Variants in CLDN14 observed in about 807,000 individuals in gnomAD.
CLDN14 encodes claudin-14.
A neutral mutation model predicts 2.1 loss-of-function variants in CLDN14; 2 were observed. The ratio of observed to expected loss-of-function variants is 0.96; its 90% CI spans 0.39 to 3.01. The LOEUF (loss-of-function observed/expected upper bound fraction) is 3.01. Ranked by LOEUF, CLDN14 falls within the 30% of genes most tolerant of loss-of-function variation. CLDN14 has a pLI of 0.09. For missense variants in CLDN14, 298 were observed against 328.0 expected (o/e 0.91, Z 0.71); for synonymous variants, 136 against 154.4 (o/e 0.88, Z 0.88).
chr21:36,525,060 C>T (rs965891515), intron 1 of CLDN14, among the ~76,000 whole-genome samples: 1 of 152,138 alleles, frequency 6.6e-6, no homozygotes, highest in Non-Finnish European at 1.5e-5. Flanking sequence ...TGGAATGTGC[C>T]AGTCAGGGCT....
chr21:36,504,381 T>G (rs990030215), intron 2 of CLDN14, among the ~76,000 whole-genome samples: 19 of 152,172 alleles, frequency 1.2e-4, no homozygotes, highest in Admixed American at 7.2e-4. Flanking sequence ...TCTCTTTTTC[T>G]GCTTAGTCTA....
chr21:36,467,473 G>C (rs1431323854), intron 1 of CLDN14, among the ~76,000 whole-genome samples: 1 of 152,090 alleles, frequency 6.6e-6, no homozygotes, highest in Non-Finnish European at 1.5e-5. Context: ...AGTTCTTCAG[G>C]GTGTGTGCTG....
chr21:36,519,680 G>T (rs529322865), intron 1 of CLDN14, among the ~76,000 whole-genome samples: 1 of 151,944 alleles, frequency 6.6e-6, no homozygotes, highest in Admixed American at 6.6e-5. Flanking sequence ...ACTGCACTCC[G>T]GCCTGGGCAA....
At chr21:36,531,796 G>A (rs2835386) in intron 1 of CLDN14, among the ~76,000 whole-genome samples, 52,561 of 150,694 alleles carry the variant, frequency 0.35, 10,912 homozygotes, top group African/African-American at 0.59. Flanking sequence ...TCACTATAAC[G>A]TAGGGCACTT....
intron 1 of CLDN14, among the ~76,000 whole-genome samples, chr21:36,464,593 G>A (rs963755362): frequency 2.6e-5 from 4 of 152,190 alleles, no homozygotes; most frequent in Admixed American, 2.0e-4. Flanking sequence ...CACTGCCCTG[G>A]GGGAGGTGCT....
Position 36,499,876 on chromosome 21 carries a change from G to A in CLDN14, c.-82+10487C>T, listed in dbSNP as rs1447925808. On this transcript the variant is annotated intron_variant, in intron 2 of 2. Coordinates refer to the CLDN14 transcript ENST00000342108. This position sits in a 1 kb window ranked among gnomAD's most constrained non-coding sequence, Gnocchi z 4.7. ...ACGAGCAACATTTTCACAACATCAG[G>A]GGGCTGGTGGAGAAAATCGGGGGGT... 6.6e-6 allele frequency among the ~76,000 whole-genome samples: 1 copy of A among 151,956 alleles called. No homozygotes were observed. The highest frequency in any genetic ancestry group is 1.5e-5 in the Non-Finnish European group (1 of 68,022).
intron 1 of CLDN14, among the ~76,000 whole-genome samples, chr21:36,530,529 T>C (rs1342525518): frequency 6.6e-6 from 1 of 152,160 alleles, no homozygotes; most frequent in Non-Finnish European, 1.5e-5. Flanking sequence ...TTTCTAGAGA[T>C]AGTCTGGTAG....
rs58458004 is a variant in CLDN14 at position 36,501,332 on chromosome 21, CTTTTTTTTTTTT to C, written c.-82+9019_-82+9030del. ...AATGGGAGTTTCAGTCAATATCTCA[CTTTTTTTTTTTT>C]TTTTTTTTTTTTTTTTTTTTTTTTA... is the stretch of plus-strand genomic sequence containing the variant. On this transcript the variant is annotated intron_variant, in intron 2 of 2. Coordinates refer to the CLDN14 transcript ENST00000342108. 4.3e-3 allele frequency among the ~76,000 whole-genome samples: 208 copies of C among 48,446 alleles called. 2 individuals are homozygous for C. Among genetic ancestry groups the C allele is most frequent in the East Asian group, 0.028 (30 of 1,054 alleles). 31.8% of individuals were successfully genotyped at this position (48,446 alleles called of 152,430 possible).
chr21:36,521,694 G>T (rs1415295541), intron 1 of CLDN14, among the ~76,000 whole-genome samples: 2 of 152,160 alleles, frequency 1.3e-5, no homozygotes, highest in Admixed American at 1.3e-4. Flanking sequence ...GTCACTGCTG[G>T]GAGTAGGGGC....
At chr21:36,571,423 G>A (rs2087709686) in intron 1 of CLDN14, among the ~76,000 whole-genome samples, 1 of 152,230 alleles carries the variant, frequency 6.6e-6, no homozygotes, top group Admixed American at 6.5e-5. Context: ...ACAATGTCAT[G>A]TGGAGGTTTG....
intron 2 of CLDN14, among the ~76,000 whole-genome samples, chr21:36,490,942 G>A (rs1318500): frequency 0.057 from 6,973 of 121,404 alleles, 381 homozygotes; most frequent in East Asian, 0.32. Context: ...ACACATGCAA[G>A]TGCACAGACA....
At chr21:36,550,485 A>C (rs948325352) in intron 1 of CLDN14, among the ~76,000 whole-genome samples, 2 of 152,148 alleles carry the variant, frequency 1.3e-5, no homozygotes, top group Non-Finnish European at 2.9e-5. Context: ...GTTTGCTAAG[A>C]GCCACCCTTT....
Position 36,540,149 on chromosome 21 carries a change from T to C in CLDN14, c.-219-29649A>G, listed in dbSNP as rs182510696. On this transcript the variant is annotated intron_variant, in intron 1 of 2. Coordinates refer to the CLDN14 transcript ENST00000342108. ...TGGTGTGTGTGTGTTTATACAGTCA[T>C]CCCTCAGTATTCACAGGGGATTGGC... 4.6e-5 allele frequency among the ~76,000 whole-genome samples: 7 copies of C among 151,698 alleles called. No individual in the cohort carries two copies. The East Asian group carries it at 1.4e-3, about 29-fold the overall frequency.
intron 1 of CLDN14, among the ~76,000 whole-genome samples, chr21:36,549,471 G>A (rs1016565198): frequency 3.9e-5 from 6 of 152,342 alleles, no homozygotes; most frequent in Non-Finnish European, 8.8e-5. Context: ...CCAACTGGCA[G>A]GTGTGCAGCT....
chr21:36,531,024 A>C (rs536715975), intron 1 of CLDN14, among the ~76,000 whole-genome samples: 97 of 152,256 alleles, frequency 6.4e-4, no homozygotes, highest in Non-Finnish European at 1.1e-3. Flanking sequence ...TGAGGTCAGG[A>C]GTTCGAGATC....
chr21:36,537,656 C>CTTT (rs71198822), intron 1 of CLDN14, among the ~76,000 whole-genome samples: 1 of 143,234 alleles, frequency 7.0e-6, no homozygotes, highest in Non-Finnish European at 1.5e-5. Context: ...CTTTTCTTTT[C>CTTT]TTTTTTTTTT....
At chr21:36,563,076 A>C (rs2087647926) in intron 1 of CLDN14, among the ~76,000 whole-genome samples, 2 of 115,472 alleles carry the variant, frequency 1.7e-5, no homozygotes, top group African/African-American at 5.7e-5. Context: ...TCTGTGTTTT[A>C]ATCACTAACT....
intron 1 of CLDN14, among the ~76,000 whole-genome samples, chr21:36,542,315 GC>G (rs1399587914): frequency 6.6e-6 from 1 of 152,188 alleles, no homozygotes; most frequent in Non-Finnish European, 1.5e-5. Context: ...TTCTCACGCT[GC>G]CCGGAAAATT....
intron 1 of CLDN14, 62 bp from the exon 2 acceptor site, chr21:36,461,838 T>C: frequency 2.6e-6 from 3 of 1,145,976 alleles, no homozygotes; most frequent in African/African-American, 1.5e-5. Context: ...GATTATCTCA[T>C]GCACTTATTT....
Sources: gnomAD v4.1 joint callset for allele counts (sites outside exome capture counted in the v4.1 genomes callset) on GRCh38, gnomAD v4.1.1 for gene constraint, Gnocchi (gnomAD v3.1) non-coding constraint, MANE v1.5 for transcripts, NCBI Gene and HGNC (gene_info 2026-07-23, HGNC 2026-07-21) for gene names.